Variants in ESRRG observed in about 807,000 individuals in gnomAD.
The protein encoded by ESRRG is estrogen related receptor gamma, also known as estrogen-related receptor gamma.
Under a neutral mutation model 44.0 loss-of-function variants are expected in ESRRG, and 13 were observed. The ratio of observed to expected loss-of-function variants is 0.30; its 90% confidence interval spans 0.19 to 0.47. ESRRG has a LOEUF of 0.47. Ranked by LOEUF, ESRRG falls within the 20% of genes least tolerant of loss-of-function variation. The pLI, the probability that ESRRG is intolerant of heterozygous loss-of-function variation, is 1.00. For missense variants in ESRRG, 395 were observed against 580.6 expected (o/e 0.68, Z 3.29); for synonymous variants, 215 against 214.6 (o/e 1.00, Z -0.02).
intron 5 of ESRRG, among the ~76,000 whole-genome samples, chr1:216,555,209 G>T (rs1397085275): frequency 6.6e-6 from 1 of 152,162 alleles, no homozygotes; most frequent in Non-Finnish European, 1.5e-5. Context: ...AAAGCATACA[G>T]ATGAGCAAAG....
chr1:216,919,578 C>T (rs779345404), intron 2 of ESRRG, among the ~76,000 whole-genome samples: 1 of 152,150 alleles, frequency 6.6e-6, no homozygotes, highest in Non-Finnish European at 1.5e-5. Flanking sequence ...AGAATATTTT[C>T]TATTTATTCT....
chr1:216,529,602 CT>C (rs11341206), intron 5 of ESRRG, among the ~76,000 whole-genome samples: 52,070 of 151,856 alleles, frequency 0.34, 9,057 homozygotes, highest in Non-Finnish European at 0.35. Flanking sequence ...TTTTGGTTAA[CT>C]TTTTTCAAAC....
At chr1:216,859,147 G>A (rs1026001134) in intron 2 of ESRRG, among the ~76,000 whole-genome samples, 2 of 152,178 alleles carry the variant, frequency 1.3e-5, no homozygotes, top group Admixed American at 1.3e-4. Context: ...AAGCAACAAG[G>A]ACCAGACTTA....
chr1:216,552,629 C>A (rs1046962638), intron 5 of ESRRG, among the ~76,000 whole-genome samples: 9 of 152,094 alleles, frequency 5.9e-5, no homozygotes, highest in Non-Finnish European at 1.2e-4. Context: ...TGTGGCAATA[C>A]CAAGATTTGA....
chr1:216,709,473 C>T (rs939527111), intron 1 of ESRRG, among the ~76,000 whole-genome samples: 8 of 151,568 alleles, frequency 5.3e-5, no homozygotes, highest in Non-Finnish European at 1.2e-4. Flanking sequence ...ATAAAGAAAA[C>T]ATATATCCAA....
At chr1:216,994,064 C>T (rs1396838002) in intron 1 of ESRRG, among the ~76,000 whole-genome samples, 14 of 152,116 alleles carry the variant, frequency 9.2e-5, no homozygotes, top group Admixed American at 9.2e-4. Flanking sequence ...TCTGTAAGTG[C>T]ATTTCTGAGA....
At chr1:216,828,895 C>T (rs569555115) in intron 2 of ESRRG, among the ~76,000 whole-genome samples, 3 of 152,242 alleles carry the variant, frequency 2.0e-5, no homozygotes, top group African/African-American at 7.2e-5. Context: ...TCATGGTGCA[C>T]ATTTCAGTGA....
At chr1:216,560,251 A>T (rs1003273285) in intron 5 of ESRRG, among the ~76,000 whole-genome samples, 1 of 152,156 alleles carries the variant, frequency 6.6e-6, no homozygotes, top group Non-Finnish European at 1.5e-5. Flanking sequence ...TACAATAGAG[A>T]TCAATTGAAA....
intron 2 of ESRRG, among the ~76,000 whole-genome samples, chr1:216,904,140 C>T (rs1292041715): frequency 6.6e-6 from 1 of 152,110 alleles, no homozygotes; most frequent in East Asian, 1.9e-4. Flanking sequence ...AAGCAGTAAC[C>T]TCTTTGAAAA....
chr1:216,793,518 G>A (rs951378582), intron 2 of ESRRG, among the ~76,000 whole-genome samples: 1 of 152,090 alleles, frequency 6.6e-6, no homozygotes, highest in African/African-American at 2.4e-5. Context: ...AGCCACATGA[G>A]GGAGCCTGGA....
At chr1:216,932,574 C>T (rs2149836738) in intron 2 of ESRRG, among the ~76,000 whole-genome samples, 1 of 151,980 alleles carries the variant, frequency 6.6e-6, no homozygotes, top group African/African-American at 2.4e-5. Flanking sequence ...GAGACAGGGT[C>T]TCTCTTGCTC....
At chr1:216,875,252 T>C (rs1469011335) in intron 2 of ESRRG, among the ~76,000 whole-genome samples, 1 of 152,200 alleles carries the variant, frequency 6.6e-6, no homozygotes, top group African/African-American at 2.4e-5. Flanking sequence ...AAGTTTTATA[T>C]AGAAAAGTGC....
chr1:216,661,276 G>C lies in ESRRG; in HGVS notation c.473-10187C>G, dbSNP rs548907580. The stretch of plus-strand genomic sequence containing the variant: ...ATAAAAGAGCTTAAAGGTGACCACT[G>C]CCACAAGAAATATATAATGTCTGAG... On this transcript the variant is annotated intron_variant, in intron 2 of 6. Transcript: ENST00000408911. Among the ~76,000 whole-genome samples the C allele has an allele frequency of 1.4e-4, 22 of 152,212 alleles. No homozygotes were observed. The South Asian group carries it at 4.2e-3, about 29-fold the overall frequency.
intron 1 of ESRRG, among the ~76,000 whole-genome samples, chr1:216,950,654 C>G (rs1364418304): frequency 6.6e-6 from 1 of 152,156 alleles, no homozygotes; most frequent in Non-Finnish European, 1.5e-5. Context: ...AACAAAAACT[C>G]AATTCCTGAT....
At chr1:216,839,295 G>A (rs2095614598) in intron 2 of ESRRG, among the ~76,000 whole-genome samples, 2 of 152,072 alleles carry the variant, frequency 1.3e-5, no homozygotes, top group Non-Finnish European at 2.9e-5. Context: ...TGCATCTTCA[G>A]GCTCCACTTC....
At chr1:216,981,162 C>T (rs2073905172) in intron 1 of ESRRG, among the ~76,000 whole-genome samples, 1 of 152,102 alleles carries the variant, frequency 6.6e-6, no homozygotes, top group South Asian at 2.1e-4. Context: ...AGAACGTTAT[C>T]GAGTGGGAGT....
chr1:216,759,455 C>G (rs539586773), intron 2 of ESRRG, among the ~76,000 whole-genome samples: 1 of 152,112 alleles, frequency 6.6e-6, no homozygotes, highest in Non-Finnish European at 1.5e-5. Context: ...GTTTTCCCCC[C>G]ATTCACTCAA....
rs377656798 is a variant in ESRRG at position 216,933,586 on chromosome 1, G to A, written c.-14+5996C>T. Among the ~76,000 whole-genome samples the A allele has an allele frequency of 7.9e-5, 12 of 152,238 alleles. No individual in the cohort carries two copies. The East Asian group carries it at 9.6e-4, about 12-fold the overall frequency. On this transcript the variant is annotated intron_variant, in intron 2 of 7. Transcript: ENST00000359162. ...AGAAGTGCAGTATTCCAGACTTTCC[G>A]TACCTCAAGAACATGGATAAGACCA...
intron 1 of ESRRG, among the ~76,000 whole-genome samples, chr1:217,048,093 G>A (rs779847500): frequency 2.0e-5 from 3 of 152,154 alleles, no homozygotes; most frequent in Non-Finnish European, 4.4e-5. Context: ...CTAACTAGAG[G>A]AGCCCAGAGT....
Sources: allele counts gnomAD v4.1 joint callset (sites outside exome capture counted in the v4.1 genomes callset), GRCh38; gene constraint gnomAD v4.1.1; transcripts MANE v1.5; gene names NCBI Gene and HGNC (gene_info 2026-07-23, HGNC 2026-07-21).